Variants in OR2T12 observed in about 807,000 individuals in gnomAD.
OR2T12 encodes the protein olfactory receptor family 2 subfamily T member 12, also known as olfactory receptor 2T12.
For missense variants in OR2T12, 335 were observed against 404.3 expected (o/e 0.83, Z 1.47); for synonymous variants, 127 against 160.5 (o/e 0.79, Z 1.58).
rs1444762005 is a variant in OR2T12, at chr1:248,295,562, G to C, written c.17C>G (p.Thr6Ser). The C allele has an allele frequency of 1.3e-6, 2 of 1,579,362 alleles. No individual in the cohort carries two copies. The highest frequency in any genetic ancestry group is 1.8e-5 in the Admixed American group (1 of 56,046). Residue 6 changes from threonine to serine, a missense_variant, in exon 3 of 3, where the codon ACT becomes AGT. Physicochemically the swap from Thr to Ser is moderately conservative, Grantham distance 58. Coordinates refer to ENST00000641276, the MANE Select transcript of OR2T12 (RefSeq NM_001004692.2). ...TCCTAGGAGAATAAAATCTGGGGTAGTATTTCTCATCTCCATAATTTCCCC... is the reference window on the plus strand; with the variant it reads ...TCCTAGGAGAATAAAATCTGGGGTACTATTTCTCATCTCCATAATTTCCCC... MEMRN[T>S]TPDFILLGLF... is the part of the protein sequence containing the mutation.
rs1659628555 is a variant in OR2T12 at position 248,291,124 on chromosome 1, G to A, written c.*3492C>T. ...CTCTAAGTTGCCTGTTTACTCTGAT[G>A]AATCCAAAGGAAGAGAGGAAGTCAA... On this transcript the variant is annotated 3_prime_UTR_variant, in exon 3 of 3. Transcript: ENST00000641276. The A allele has an allele frequency of 6.6e-6, 1 of 151,262 alleles. No individual in the cohort carries two copies. The highest frequency in any genetic ancestry group is 6.6e-5 in the Admixed American group (1 of 15,164). The allele number at this position is 151,262 out of a possible 1,614,324, so 9.4% of individuals were successfully genotyped here.
At chr1:248,300,027 T>A (rs1014098721) in intron 2 of OR2T12, among the ~76,000 whole-genome samples, 1 of 152,120 alleles carries the variant, frequency 6.6e-6, no homozygotes, top group African/African-American at 2.4e-5. Context: ...CTGGGACACA[T>A]TCAAAGCAGT....
chr1:248,302,857 A>AAGTC (rs1382817100), intron 1 of OR2T12, among the ~76,000 whole-genome samples: 1 of 152,140 alleles, frequency 6.6e-6, no homozygotes, highest in Non-Finnish European at 1.5e-5. Flanking sequence ...GTAAGGGAGA[A>AAGTC]AGTCTGTGTA....
intron 2 of OR2T12, among the ~76,000 whole-genome samples, chr1:248,298,786 T>A (rs1324429753): frequency 6.6e-6 from 1 of 151,586 alleles, no homozygotes; most frequent in Non-Finnish European, 1.5e-5. Context: ...ATTTTGTTGA[T>A]CCTTTCAAAA....
intron 1 of OR2T12, 61 bp downstream of exon 1, chr1:248,303,285 C>T (rs1228215579): frequency 8.5e-5 from 13 of 152,132 alleles, no homozygotes; most frequent in South Asian, 4.1e-4. Context: ...ATCATCACCA[C>T]GTTCAGCAGA....
chr1:248,292,909 T>A lies in OR2T12; in HGVS notation c.*1707A>T, dbSNP rs1337103558. On this transcript the variant is annotated 3_prime_UTR_variant, in exon 3 of 3. Transcript: ENST00000641276. Reference sequence around the variant, plus strand: ...TCTCTGATGGTGCATGAACCTGGTATGAGTAATGAAATTTCCACGACTACA... The same window carrying A: ...TCTCTGATGGTGCATGAACCTGGTAAGAGTAATGAAATTTCCACGACTACA... 8 of 152,122 alleles carry A rather than the reference T, an allele frequency of 5.3e-5. No homozygotes were observed. 9.4% of individuals were successfully genotyped at this position (152,122 alleles called of 1,614,324 possible).
intron 2 of OR2T12, among the ~76,000 whole-genome samples, 151 bp downstream of exon 2, chr1:248,301,222 A>T (rs1659807602): frequency 6.6e-6 from 1 of 152,138 alleles, no homozygotes; most frequent in Non-Finnish European, 1.5e-5. Context: ...AATTGAAAAT[A>T]CTGAGCACTA....
At chr1:248,300,089 C>T (rs910601327) in intron 2 of OR2T12, among the ~76,000 whole-genome samples, 4 of 151,932 alleles carry the variant, frequency 2.6e-5, no homozygotes, top group Non-Finnish European at 5.9e-5. Context: ...TACCCTAAAA[C>T]TTAAAGTATA....
rs1229909434 is a variant in OR2T12, at chr1:248,294,386, G to C, written c.*230C>G. On this transcript the variant is annotated 3_prime_UTR_variant, in exon 3 of 3. Coordinates refer to ENST00000641276, the MANE Select transcript of OR2T12 (RefSeq NM_001004692.2). ...AGAAAAAAAGAAAACTTATATCATG[G>C]GGTTGTTGTAGGATACAAAGTAATC... is the stretch of plus-strand genomic sequence containing the variant. 2 of 457,510 alleles carry C rather than the reference G, an allele frequency of 4.4e-6. No homozygotes were observed. The highest frequency in any genetic ancestry group is 2.0e-5 in the African/African-American group (1 of 50,598). 28.3% of individuals were successfully genotyped at this position (457,510 alleles called of 1,614,324 possible).
At chr1:248,295,638 C>T (rs2103038005) in intron 2 of OR2T12, 52 bp from the exon 3 acceptor site, 2 of 1,529,816 alleles carry the variant, frequency 1.3e-6, no homozygotes, top group Non-Finnish European at 1.8e-6. Flanking sequence ...CTTTTATGGT[C>T]TGAATAACTG....
chr1:248,302,007 T>G (rs1471454641), intron 1 of OR2T12, among the ~76,000 whole-genome samples: 1 of 149,626 alleles, frequency 6.7e-6, no homozygotes, highest in Non-Finnish European at 1.5e-5. Flanking sequence ...AGTGAGATGA[T>G]GGAAAGGAGA....
intron 2 of OR2T12, among the ~76,000 whole-genome samples, chr1:248,298,795 A>G (rs1471982283): frequency 1.3e-5 from 2 of 151,510 alleles, no homozygotes; most frequent in Non-Finnish European, 2.9e-5. Context: ...ATCCTTTCAA[A>G]AAACCAGCTC....
chr1:248,293,894 G>T lies in OR2T12; in HGVS notation c.*722C>A, dbSNP rs1277091279. The T allele has an allele frequency of 1.6e-5, 1 of 62,162 alleles. No homozygotes were observed. The highest frequency in any genetic ancestry group is 5.8e-5 in the African/African-American group (1 of 17,130). 3.9% of individuals were successfully genotyped at this position (62,162 alleles called of 1,614,324 possible). ...AAATTACATGAATTTAAAAAAGTTT[G>T]CCTTAAAACACCAAATAAAAAGAGA... On this transcript the variant is annotated 3_prime_UTR_variant, in exon 3 of 3. Transcript: ENST00000641276.
intron 2 of OR2T12, among the ~76,000 whole-genome samples, chr1:248,299,495 A>G (rs1352529680): frequency 1.3e-5 from 2 of 152,188 alleles, no homozygotes; most frequent in Non-Finnish European, 2.9e-5. Flanking sequence ...ACTATCCTAA[A>G]TATATATGCA....
intron 2 of OR2T12, among the ~76,000 whole-genome samples, chr1:248,297,455 T>C (rs1659747496): frequency 6.6e-6 from 1 of 151,512 alleles, no homozygotes; most frequent in Non-Finnish European, 1.5e-5. Flanking sequence ...AGTATGGCCA[T>C]TTTCACGATA....
chr1:248,297,985 G>A (rs572455523), intron 2 of OR2T12, among the ~76,000 whole-genome samples: 1 of 150,926 alleles, frequency 6.6e-6, no homozygotes, highest in Non-Finnish European at 1.5e-5. Flanking sequence ...TTGGCTGTGG[G>A]TTTGTCATAG....
intron 2 of OR2T12, among the ~76,000 whole-genome samples, chr1:248,298,440 T>C (rs1215824221): frequency 6.6e-6 from 1 of 152,228 alleles, no homozygotes; most frequent in Non-Finnish European, 1.5e-5. Context: ...AAGTTCCTCC[T>C]TGTACCTCTG....
At chr1:248,298,557 A>G (rs895116282) in intron 2 of OR2T12, among the ~76,000 whole-genome samples, 5 of 151,354 alleles carry the variant, frequency 3.3e-5, no homozygotes, top group Admixed American at 2.6e-4. Flanking sequence ...CAGAGATTCA[A>G]CTTCTTCCTG....
intron 2 of OR2T12, among the ~76,000 whole-genome samples, chr1:248,296,416 T>G (rs1365840639): frequency 6.6e-6 from 1 of 152,244 alleles, no homozygotes; most frequent in Admixed American, 6.5e-5. Context: ...TCTAGATCCC[T>G]GAGGAATTGC....
Sources: allele counts gnomAD v4.1 joint callset (sites outside exome capture counted in the v4.1 genomes callset), GRCh38; gene constraint gnomAD v4.1.1; transcripts MANE v1.5; gene names NCBI Gene and HGNC (gene_info 2026-07-23, HGNC 2026-07-21).